The following EXOC4 variants were observed in gnomAD, a reference collection of about 807,000 sequenced individuals.
The protein encoded by EXOC4 is exocyst complex component 4.
Under a neutral mutation model 107.2 loss-of-function variants are expected in EXOC4, and 71 were observed. The observed-to-expected ratio is 0.66, with a 90% CI of 0.55 to 0.81. The LOEUF (loss-of-function observed/expected upper bound fraction) is 0.81. Among genes scored for constraint, EXOC4 ranks in the 30% least tolerant of loss-of-function variants. The probability of loss-of-function intolerance (pLI) is 0.00; values close to 1 mark genes in which losing one functional copy is unlikely to be tolerated. For missense variants in EXOC4, 1,108 were observed against 1,189.6 expected, an observed-to-expected ratio of 0.93 and a Z score of 1.01; for synonymous variants, 456 against 441.2, an observed-to-expected ratio of 1.03 and a Z score of -0.42.
intron 10 of EXOC4, among the ~76,000 whole-genome samples, chr7:133,788,227 C>A (rs539561372): frequency 1.3e-5 from 2 of 150,730 alleles, no homozygotes; most frequent in Middle Eastern, 3.4e-3. Context: ...CCTAGTCTTA[C>A]AGCTTTAAAT....
chr7:133,363,641 T>C (rs1489736835), intron 6 of EXOC4, among the ~76,000 whole-genome samples: 1 of 151,718 alleles, frequency 6.6e-6, no homozygotes, highest in Non-Finnish European at 1.5e-5. Context: ...CTACTCTCGA[T>C]TTCTCTTGTT....
At chr7:134,066,984 C>T (rs369394905), downstream of EXOC4, among the ~76,000 whole-genome samples, 6 of 151,964 alleles carry the variant, frequency 3.9e-5, no homozygotes, top group East Asian at 1.2e-3. Flanking sequence ...AACCCCATCT[C>T]TACTAAAAAT....
chr7:133,787,335 TTGTGTGTGTGTGTG>T (rs757017206), intron 10 of EXOC4, among the ~76,000 whole-genome samples: 2 of 113,826 alleles, frequency 1.8e-5, no homozygotes, highest in African/African-American at 6.5e-5. Flanking sequence ...ATAGGCTAAT[TTGTGTGTGTGTGTG>T]TGTGTGTGTG....
At chr7:133,755,275 ATATATATTATATACATATTATATATAT>A (rs1562984209) in intron 10 of EXOC4, among the ~76,000 whole-genome samples, 43 of 104,284 alleles carry the variant, frequency 4.1e-4, no homozygotes, top group Middle Eastern at 9.6e-3. Flanking sequence ...TATATATATT[ATATATATTATATACATATTATATATAT>A]TATATATATA....
At chr7:133,866,148 A>G (rs1438732130) in intron 11 of EXOC4, among the ~76,000 whole-genome samples, 1 of 152,214 alleles carries the variant, frequency 6.6e-6, no homozygotes, top group Non-Finnish European at 1.5e-5. Context: ...CTTTTCATAT[A>G]TATATAATCT....
chr7:133,350,372 A>G (rs915310115), intron 5 of EXOC4, among the ~76,000 whole-genome samples: 2 of 152,038 alleles, frequency 1.3e-5, no homozygotes, highest in African/African-American at 4.8e-5. Context: ...TAAGGATCCA[A>G]CTTCATTTTT....
rs184866337 is a variant in EXOC4, at chr7:133,418,116, A to G, written c.1182+43114A>G. 5.3e-5 allele frequency among the ~76,000 whole-genome samples: 8 copies of G among 152,328 alleles called. No individual in the cohort carries two copies. The East Asian group carries it at 9.7e-4, about 18-fold the overall frequency. ...TAATGTCATCAAACATGTTATGAAC[A>G]TAGTTCAGGACAAGAGACAACTATA... On this transcript the variant is annotated intron_variant, in intron 7 of 17. Transcript: ENST00000253861.
chr7:133,835,691 G>T (rs1179588818), intron 11 of EXOC4, among the ~76,000 whole-genome samples: 2 of 152,088 alleles, frequency 1.3e-5, no homozygotes, highest in Non-Finnish European at 2.9e-5. Context: ...TAGTCCCTGG[G>T]TAAGTATATT....
chr7:133,757,922 C>T (rs528098814), intron 10 of EXOC4, among the ~76,000 whole-genome samples: 4 of 152,170 alleles, frequency 2.6e-5, no homozygotes, highest in Admixed American at 6.5e-5. Context: ...AATGGGAAAA[C>T]AGAGCTTTGA....
chr7:133,655,126 T>G (rs1267689173), intron 10 of EXOC4, among the ~76,000 whole-genome samples: 1 of 152,040 alleles, frequency 6.6e-6, no homozygotes, highest in Admixed American at 6.6e-5. Context: ...TTTAAAAATA[T>G]TTTTCTTTCT....
chr7:133,318,937 C>G (rs967477430), intron 5 of EXOC4, among the ~76,000 whole-genome samples: 2 of 152,168 alleles, frequency 1.3e-5, no homozygotes, highest in Admixed American at 6.5e-5. Context: ...CTCCCTCTTT[C>G]TGATGTAATG....
intron 10 of EXOC4, among the ~76,000 whole-genome samples, chr7:133,801,777 C>A (rs1376441578): frequency 6.6e-6 from 1 of 152,160 alleles, no homozygotes; most frequent in Non-Finnish European, 1.5e-5. Context: ...GTTGCCAGAA[C>A]CTGTGTATGG....
intron 11 of EXOC4, among the ~76,000 whole-genome samples, chr7:133,863,492 C>T (rs1798575916): frequency 6.6e-6 from 1 of 152,072 alleles, no homozygotes; most frequent in Admixed American, 6.6e-5. Flanking sequence ...AAAAACAGGT[C>T]AAAGGAATCA....
At chr7:133,719,614 T>C (rs1269153220) in intron 10 of EXOC4, among the ~76,000 whole-genome samples, 3 of 151,806 alleles carry the variant, frequency 2.0e-5, no homozygotes, top group Non-Finnish European at 4.4e-5. Context: ...ATTGTGTGCA[T>C]GGTTTGAGGC....
In EXOC4 at chr7:133,597,588, A is replaced by C. The variant is rs10279778; in HGVS notation, c.1418-32457A>C. Among the ~76,000 whole-genome samples the C allele has an allele frequency of 2.0e-3, 286 of 144,032 alleles. 1 individual carries two copies. Among genetic ancestry groups the C allele is most frequent in the African/African-American group, 6.2e-3 (239 of 38,810 alleles). 94.5% of individuals were successfully genotyped at this position (144,032 alleles called of 152,430 possible). Reference sequence around the variant, plus strand: ...AAAAAAAAAAAAACCCAAAAAAAAAACCCCGAATCCTTGGAAAGTTAGGCT... The same window carrying C: ...AAAAAAAAAAAAACCCAAAAAAAAACCCCCGAATCCTTGGAAAGTTAGGCT... On this transcript the variant is annotated intron_variant, in intron 9 of 17. Coordinates refer to ENST00000253861, the MANE Select transcript of EXOC4 (RefSeq NM_021807.4).
At chr7:133,821,001 G>T (rs1797508150) in intron 11 of EXOC4, among the ~76,000 whole-genome samples, 1 of 152,214 alleles carries the variant, frequency 6.6e-6, no homozygotes, top group Non-Finnish European at 1.5e-5. Context: ...AAGTCAGTAG[G>T]AAGGAAGAGA....
At chr7:133,486,614 G>A (rs937634658) in intron 9 of EXOC4, among the ~76,000 whole-genome samples, 1 of 151,918 alleles carries the variant, frequency 6.6e-6, no homozygotes, top group Non-Finnish European at 1.5e-5. Flanking sequence ...ACAATATGCA[G>A]GGAACATGAA....
At chr7:133,488,946 T>TATA (rs1799320352) in intron 9 of EXOC4, among the ~76,000 whole-genome samples, 1 of 149,182 alleles carries the variant, frequency 6.7e-6, no homozygotes, top group Admixed American at 6.7e-5. Context: ...AAAATCTCTA[T>TATA]ATAAAGTCTA....
Position 133,584,586 on chromosome 7 carries a change from T to TTG in EXOC4, c.1418-45458_1418-45457insGT, listed in dbSNP as rs1349415037. On this transcript the variant is annotated intron_variant, in intron 9 of 17. Coordinates refer to ENST00000253861, the MANE Select transcript of EXOC4 (RefSeq NM_021807.4). ...TTTACGTATTTCAGTTTTTTTTTTG[T>TTG]TTTTTTTTTTGAGACAGAGTCTCGC... 7.3e-5 allele frequency among the ~76,000 whole-genome samples: 10 copies of TTG among 137,762 alleles called. No individual in the cohort carries two copies. In the East Asian group the frequency reaches 1.1e-3, roughly 14 times the overall value. 90.4% of individuals were successfully genotyped at this position (137,762 alleles called of 152,430 possible). A position where few individuals can be genotyped will look rare whatever the true frequency, so the allele number is the denominator to read the frequency against.
Sources: gnomAD v4.1 joint callset for allele counts (sites outside exome capture counted in the v4.1 genomes callset) on GRCh38, gnomAD v4.1.1 for gene constraint, MANE v1.5 for transcripts, NCBI Gene and HGNC (gene_info 2026-07-23, HGNC 2026-07-21) for gene names.